EPDR1: variants seen among roughly 807,000 people sequenced by gnomAD.
EPDR1 encodes the protein mammalian ependymin-related protein 1.
Under a neutral mutation model 23.7 loss-of-function variants are expected in EPDR1, and 27 were observed. That is an observed-to-expected ratio of 1.14 (90% CI 0.84 to 1.57). The LOEUF (loss-of-function observed/expected upper bound fraction) is 1.57, where lower values mean the gene tolerates loss of function less well. Among genes scored for constraint, EPDR1 ranks in the 40% most tolerant of loss-of-function variants. The probability of loss-of-function intolerance (pLI) is 0.00; values close to 1 mark genes in which losing one functional copy is unlikely to be tolerated. For missense variants in EPDR1, 349 were observed against 290.4 expected (o/e 1.20, Z -1.47); for synonymous variants, 137 against 118.2 (o/e 1.16, Z -1.03).
intron 1 of EPDR1, among the ~76,000 whole-genome samples, chr7:37,934,030 G>T (rs1785998580): frequency 6.8e-6 from 1 of 147,502 alleles, no homozygotes. Flanking sequence ...AGGCTGGAGT[G>T]CAGTGGCGTG....
chr7:37,939,654 T>A (rs975847434), intron 1 of EPDR1, among the ~76,000 whole-genome samples: 1 of 152,188 alleles, frequency 6.6e-6, no homozygotes, highest in Non-Finnish European at 1.5e-5. Flanking sequence ...ATGCATAGTT[T>A]TTTCATAATA....
intron 1 of EPDR1, among the ~76,000 whole-genome samples, chr7:37,929,693 GA>G (rs1785890704): frequency 6.6e-6 from 1 of 152,124 alleles, no homozygotes; most frequent in South Asian, 2.1e-4. Context: ...TTTCTGTTAA[GA>G]ATGATTTTTG....
At chr7:37,949,222 T>A (rs1283833371) in intron 2 of EPDR1, among the ~76,000 whole-genome samples, 174 bp downstream of exon 2, 2 of 152,208 alleles carry the variant, frequency 1.3e-5, no homozygotes, top group Non-Finnish European at 2.9e-5. Flanking sequence ...GGATCTAAGC[T>A]TCATATTTGA....
At chr7:37,936,558 A>G (rs754991499) in intron 1 of EPDR1, among the ~76,000 whole-genome samples, 1 of 152,128 alleles carries the variant, frequency 6.6e-6, no homozygotes, top group Non-Finnish European at 1.5e-5. Context: ...TGGATATAGT[A>G]TTCCTGGAAG....
At chr7:37,945,502 A>T (rs1272125689) in intron 1 of EPDR1, among the ~76,000 whole-genome samples, 1 of 152,152 alleles carries the variant, frequency 6.6e-6, no homozygotes, top group African/African-American at 2.4e-5. Flanking sequence ...TAATACAATG[A>T]TGTGCTTCAT....
intron 2 of EPDR1, among the ~76,000 whole-genome samples, 163 bp downstream of exon 2, chr7:37,949,211 G>A (rs1306856611): frequency 2.6e-5 from 4 of 152,156 alleles, no homozygotes; most frequent in Admixed American, 6.5e-5. Context: ...ATGTGGCAAC[G>A]GGATCTAAGC....
rs1385042272 is a variant in EPDR1, at chr7:37,951,078, A to G, written c.*682A>G. The G allele has an allele frequency of 1.3e-5, 2 of 152,226 alleles. No individual in the cohort carries two copies. Among genetic ancestry groups the G allele is most frequent in the Admixed American group, 1.3e-4 (2 of 15,284 alleles). 9.4% of individuals were successfully genotyped at this position (152,226 alleles called of 1,614,324 possible). The stretch of plus-strand genomic sequence containing the variant: ...GAGCAAGGCAGTTTAGAGAATCCTA[A>G]TGTCTACACTGGCATAGCACGAGCC... On this transcript the variant is annotated 3_prime_UTR_variant, in exon 3 of 3. Transcript: ENST00000199448.
At chr7:37,925,561 C>CT (rs1454761089) in intron 1 of EPDR1, among the ~76,000 whole-genome samples, 5 of 152,156 alleles carry the variant, frequency 3.3e-5, no homozygotes, top group African/African-American at 9.7e-5. Flanking sequence ...TAGCATTAAC[C>CT]TCTTTTTTAA....
chr7:37,923,007 T>A (rs938367903), intron 1 of EPDR1, among the ~76,000 whole-genome samples: 1 of 152,160 alleles, frequency 6.6e-6, no homozygotes, highest in African/African-American at 2.4e-5. Flanking sequence ...GCCTGGTATG[T>A]GTGTGCCATC....
At chr7:37,940,592 A>G (rs566538937) in intron 1 of EPDR1, among the ~76,000 whole-genome samples, 1 of 152,300 alleles carries the variant, frequency 6.6e-6, no homozygotes, top group South Asian at 2.1e-4. Flanking sequence ...TGAAATCTTA[A>G]ACTTCACTTG....
chr7:37,950,189 T>C lies in EPDR1; in HGVS notation c.479-11T>C, dbSNP rs951880187. The C allele has an allele frequency of 1.9e-6, 3 of 1,574,644 alleles. No homozygotes were observed. In the African/African-American group the frequency reaches 4.1e-5, roughly 21 times the overall value. The stretch of plus-strand genomic sequence containing the variant: ...TTCTTTATTTAAAAGTCAACTTTTT[T>C]CCTCTTATAGATGAAACCTGGATTG... On this transcript the variant is annotated splice_polypyrimidine_tract_variant and intron_variant, in intron 2 of 2. Transcript: ENST00000199448.
At chr7:37,940,894 T>G (rs1214737785) in intron 1 of EPDR1, among the ~76,000 whole-genome samples, 2 of 152,118 alleles carry the variant, frequency 1.3e-5, no homozygotes, top group Non-Finnish European at 2.9e-5. Flanking sequence ...GATGTCAGTT[T>G]CTAAGTTGTT....
chr7:37,940,916 G>T (rs978783177), intron 1 of EPDR1, among the ~76,000 whole-genome samples: 13 of 151,970 alleles, frequency 8.6e-5, no homozygotes, highest in Admixed American at 7.2e-4. Context: ...CCCCACTAAG[G>T]GTAACTAGAG....
At position 37,951,395 on chromosome 7, in the gene EPDR1, T is replaced by C. The variant is rs114683899; in HGVS notation, c.*999T>C. 1.3e-5 allele frequency: 2 copies of C among 152,376 alleles called. No individual in the cohort carries two copies. Among genetic ancestry groups the C allele is most frequent in the African/African-American group, 4.8e-5 (2 of 41,584 alleles). The allele number at this position is 152,376 out of a possible 1,614,324, so 9.4% of individuals were successfully genotyped here. A position where few individuals can be genotyped will look rare whatever the true frequency, so the allele number is the denominator to read the frequency against. On this transcript the variant is annotated 3_prime_UTR_variant, in exon 3 of 3. Coordinates refer to ENST00000199448, the MANE Select transcript of EPDR1 (RefSeq NM_017549.5). ...CACAAGAGTTGCTCCCAAGCCTGGA[T>C]GAGTTGCACCTTGCATCTTGAGCAT...
Position 37,950,196 on chromosome 7 carries a change from A to T in EPDR1, c.479-4A>T. ...TTTAAAAGTCAACTTTTTTCCTCTT[A>T]TAGATGAAACCTGGATTGGCATCTA... On this transcript the variant is annotated splice_region_variant and splice_polypyrimidine_tract_variant and intron_variant, in intron 2 of 2. Coordinates refer to ENST00000199448, the MANE Select transcript of EPDR1 (RefSeq NM_017549.5). 1 of 1,588,932 alleles carries T rather than the reference A, an allele frequency of 6.3e-7. No individual in the cohort carries two copies. Among genetic ancestry groups the T allele is most frequent in the Non-Finnish European group, 8.6e-7 (1 of 1,163,506 alleles).
chr7:37,926,877 C>T (rs1252448963), intron 1 of EPDR1: 1 of 306,354 alleles, frequency 3.3e-6, no homozygotes, highest in Non-Finnish European at 6.8e-6. Flanking sequence ...CTGAATTATA[C>T]TTTATTTGTA....
At chr7:37,926,637 G>C in intron 1 of EPDR1, 1 of 451,186 alleles carries the variant, frequency 2.2e-6, no homozygotes, top group South Asian at 1.6e-5. Context: ...CCTTGATTTG[G>C]GTTTGTCTGA....
At chr7:37,935,015 T>C (rs539366503) in intron 1 of EPDR1, among the ~76,000 whole-genome samples, 132 of 152,324 alleles carry the variant, frequency 8.7e-4, no homozygotes, top group Middle Eastern at 3.4e-3. Context: ...ACTATTTATA[T>C]AGCATTTACA....
chr7:37,923,288 A>G (rs1785747270), intron 1 of EPDR1, among the ~76,000 whole-genome samples: 1 of 152,198 alleles, frequency 6.6e-6, no homozygotes, highest in Admixed American at 6.5e-5. Flanking sequence ...AGCGATGGAA[A>G]TGGTGAACAG....
Sources: gnomAD v4.1 joint callset for allele counts (sites outside exome capture counted in the v4.1 genomes callset) on GRCh38, gnomAD v4.1.1 for gene constraint, MANE v1.5 for transcripts, NCBI Gene and HGNC (gene_info 2026-07-23, HGNC 2026-07-21) for gene names.